The following CATSPERD variants were observed in gnomAD, a reference collection of about 807,000 sequenced individuals.
CATSPERD encodes the protein cation channel sperm-associated auxiliary subunit delta.
CATSPERD carries 86 observed loss-of-function variants against 98.1 expected under a neutral mutation model. The ratio of observed to expected loss-of-function variants is 0.88; its 90% CI spans 0.74 to 1.05. CATSPERD has a LOEUF of 1.05. CATSPERD is among the 50% of genes least tolerant of loss of function. The pLI is 0.00. For missense variants in CATSPERD, 995 were observed against 1,005.7 expected (o/e 0.99, Z 0.14); for synonymous variants, 394 against 390.2 (o/e 1.01, Z -0.12).
intron 20 of CATSPERD, among the ~76,000 whole-genome samples, chr19:5,774,274 T>G (rs937308143): frequency 2.6e-5 from 4 of 151,674 alleles, no homozygotes; most frequent in South Asian, 2.1e-4. Flanking sequence ...TCGGCTCTGT[T>G]GGTATTTCTA....
chr19:5,734,651 A>G (rs1277759799), intron 5 of CATSPERD, among the ~76,000 whole-genome samples: 1 of 151,524 alleles, frequency 6.6e-6, no homozygotes, highest in African/African-American at 2.4e-5. Flanking sequence ...AAAAAAAAAA[A>G]TTAGCTGGGT....
At chr19:5,727,645 A>C (rs2055630320) in intron 3 of CATSPERD, among the ~76,000 whole-genome samples, 1 of 152,140 alleles carries the variant, frequency 6.6e-6, no homozygotes, top group Non-Finnish European at 1.5e-5. Flanking sequence ...TGATGACAAA[A>C]CTGGGTTTTG....
chr19:5,723,782 G>GTT (rs539899078), intron 1 of CATSPERD, among the ~76,000 whole-genome samples: 2,333 of 134,854 alleles, frequency 0.017, 58 homozygotes, highest in African/African-American at 0.059. Context: ...TTTTGTTTTT[G>GTT]TTTTTTTTTT....
chr19:5,743,726 GTCTC>G (rs2056042291), intron 7 of CATSPERD, among the ~76,000 whole-genome samples: 1 of 137,200 alleles, frequency 7.3e-6, no homozygotes, highest in Non-Finnish European at 1.6e-5. Flanking sequence ...CTCTGTCTCT[GTCTC>G]TGCAAGATGT....
chr19:5,754,430 G>A lies in CATSPERD; in HGVS notation c.1278+185G>A, dbSNP rs112794295. Among the ~76,000 whole-genome samples the A allele has an allele frequency of 8.3e-3, 944 of 114,412 alleles. 8 individuals are homozygous for A. The highest frequency in any genetic ancestry group is 0.019 in the African/African-American group (582 of 31,184). The allele number at this position is 114,412 out of a possible 152,430, so 75.1% of individuals were successfully genotyped here. ...TTTTTTTTTTTTGAGACAGAACCTC[G>A]CTCTGTCCATTAGGCTGGAGTGCAG... On this transcript the variant is annotated intron_variant, in intron 13 of 21. Transcript: ENST00000381624.
In CATSPERD at chr19:5,728,344, G is replaced by A. The variant is rs370614768; in HGVS notation, c.203+1000G>A. Among the ~76,000 whole-genome samples, 248 of 129,128 alleles carry A rather than the reference G, an allele frequency of 1.9e-3. 2 individuals are homozygous for A. Among genetic ancestry groups the A allele is most frequent in the African/African-American group, 6.9e-3 (237 of 34,188 alleles). 84.7% of individuals were successfully genotyped at this position (129,128 alleles called of 152,430 possible). ...CTGCACTCCAGCCTGGCGACAGAGCGAGACTCTGTCTCAAAAAAAAAAAAA... is the reference window on the plus strand; with the variant it reads ...CTGCACTCCAGCCTGGCGACAGAGCAAGACTCTGTCTCAAAAAAAAAAAAA... On this transcript the variant is annotated intron_variant, in intron 3 of 21. Transcript: ENST00000381624.
At position 5,767,189 on chromosome 19, in the gene CATSPERD, T is replaced by C. The variant is rs1181691416; in HGVS notation, c.1560-979T>C. Reference sequence around the variant, plus strand: ...AAAATTAGCCGGGCGCATTGGCGGGTGCCTGTAGTCCCAGCTACTCGGGAG... The same window carrying C: ...AAAATTAGCCGGGCGCATTGGCGGGCGCCTGTAGTCCCAGCTACTCGGGAG... On this transcript the variant is annotated intron_variant, in intron 17 of 21. Transcript: ENST00000381624. Among the ~76,000 whole-genome samples, 73 of 147,560 alleles carry C rather than the reference T, an allele frequency of 4.9e-4. 1 individual carries two copies. The highest frequency in any genetic ancestry group is 3.6e-3 in the Middle Eastern group (1 of 278).
At chr19:5,755,912 T>C (rs753362397) in intron 13 of CATSPERD, among the ~76,000 whole-genome samples, 5 of 151,714 alleles carry the variant, frequency 3.3e-5, no homozygotes, top group Non-Finnish European at 5.9e-5. Flanking sequence ...GCCCAGGAGG[T>C]TGAGGCTGCA....
chr19:5,726,095 T>C (rs1316261235), intron 2 of CATSPERD, among the ~76,000 whole-genome samples: 3 of 150,834 alleles, frequency 2.0e-5, no homozygotes, highest in Non-Finnish European at 4.4e-5. Context: ...GGAGTCTTGC[T>C]CTGTCACCCA....
intron 16 of CATSPERD, 51 bp from the exon 17 acceptor site, chr19:5,766,052 C>T (rs577429037): frequency 2.4e-5 from 35 of 1,461,322 alleles, no homozygotes; most frequent in Admixed American, 3.5e-5. Context: ...TCACTGTGTC[C>T]GGGTGACCCT....
chr19:5,754,780 G>A (rs868415138), intron 13 of CATSPERD, among the ~76,000 whole-genome samples: 5 of 151,798 alleles, frequency 3.3e-5, no homozygotes, highest in African/African-American at 7.3e-5. Flanking sequence ...CCGCCTGGCC[G>A]CCCTTGTGCT....
intron 1 of CATSPERD, among the ~76,000 whole-genome samples, chr19:5,721,722 C>T (rs984847545): frequency 2.6e-5 from 4 of 151,376 alleles, no homozygotes; most frequent in Admixed American, 2.6e-4. Flanking sequence ...CAGTGGCTCA[C>T]GCCTGTAATC....
At chr19:5,722,570 C>T (rs917911368) in intron 1 of CATSPERD, among the ~76,000 whole-genome samples, 39 of 152,064 alleles carry the variant, frequency 2.6e-4, no homozygotes, top group African/African-American at 7.5e-4. Flanking sequence ...GGGTTATATC[C>T]AGTTCTCTCA....
chr19:5,754,593 C>G (rs1485304678), intron 13 of CATSPERD, among the ~76,000 whole-genome samples: 1 of 151,542 alleles, frequency 6.6e-6, no homozygotes, highest in African/African-American at 2.4e-5. Context: ...AGACGGGGTT[C>G]CCCCATGTTG....
At chr19:5,733,555 C>G (rs2055778271) in intron 4 of CATSPERD, among the ~76,000 whole-genome samples, 1 of 151,864 alleles carries the variant, frequency 6.6e-6, no homozygotes, top group Non-Finnish European at 1.5e-5. Flanking sequence ...CTCCTAGGAT[C>G]AAGCGATTCT....
rs2055436649 is a variant in CATSPERD at position 5,720,655 on chromosome 19, G to T, written c.-83G>T. On this transcript the variant is annotated 5_prime_UTR_variant, in exon 1 of 22. Transcript: ENST00000381624. The stretch of plus-strand genomic sequence containing the variant: ...GGGACTCATTGATGCGCATGCGCAG[G>T]GCTTCAGCCTGCACGTACTCGGATT... The T allele has an allele frequency of 3.7e-6, 5 of 1,366,810 alleles. No homozygotes were observed. The highest frequency in any genetic ancestry group is 1.9e-5 in the Admixed American group (1 of 52,184). 84.7% of individuals were successfully genotyped at this position (1,366,810 alleles called of 1,614,324 possible). A position where few individuals can be genotyped will look rare whatever the true frequency, so the allele number is the denominator to read the frequency against.
At position 5,776,382 on chromosome 19, in the gene CATSPERD, C is replaced by T. The variant is rs924557486; in HGVS notation, c.2096+67C>T. ...GCCCCTGGGGGCAGGTCACCCGTTTCGGGGGACATGCAGGTCCTGGCTAAA... is the reference window on the plus strand; with the variant it reads ...GCCCCTGGGGGCAGGTCACCCGTTTTGGGGGACATGCAGGTCCTGGCTAAA... On this transcript the variant is annotated intron_variant, in intron 21 of 21. Transcript: ENST00000381624. 148 of 1,570,242 alleles carry T rather than the reference C, an allele frequency of 9.4e-5. 1 individual carries two copies. In the Middle Eastern group the frequency reaches 1.7e-3, roughly 18 times the overall value.
chr19:5,746,478 G>C (rs1462169427), intron 9 of CATSPERD, among the ~76,000 whole-genome samples: 2 of 151,882 alleles, frequency 1.3e-5, no homozygotes, highest in African/African-American at 2.4e-5. Context: ...GCCCAGGCTA[G>C]AGTGCAGTGG....
intron 12 of CATSPERD, among the ~76,000 whole-genome samples, chr19:5,752,518 C>G (rs2056240092): frequency 6.6e-6 from 1 of 152,012 alleles, no homozygotes; most frequent in Admixed American, 6.6e-5. Context: ...AAATAAGAGA[C>G]AACAAGATAG....
Sources: allele counts gnomAD v4.1 joint callset (sites outside exome capture counted in the v4.1 genomes callset), GRCh38; gene constraint gnomAD v4.1.1; transcripts MANE v1.5; gene names NCBI Gene and HGNC (gene_info 2026-07-23, HGNC 2026-07-21).